Variants in MAP3K13 observed in about 807,000 individuals in gnomAD.
The protein encoded by MAP3K13 is mitogen-activated protein kinase kinase kinase 13, also known as leucine zipper-bearing kinase.
A neutral mutation model predicts 104.0 loss-of-function variants in MAP3K13; 52 were observed. The ratio of observed to expected loss-of-function variants is 0.50; its 90% confidence interval spans 0.40 to 0.63. The LOEUF (loss-of-function observed/expected upper bound fraction) is 0.63. Among genes scored for constraint, MAP3K13 ranks in the 20% least tolerant of loss-of-function variants. MAP3K13 has a pLI of 0.00. For missense variants in MAP3K13, 914 were observed against 1,218.5 expected (o/e 0.75, Z 3.72); for synonymous variants, 394 against 442.2 (o/e 0.89, Z 1.37).
rs199840990 is a variant in MAP3K13 at position 185,455,423 on chromosome 3, GATAT to G, written c.1278+4033_1278+4036del. Among the ~76,000 whole-genome samples, 13 of 40,838 alleles carry G rather than the reference GATAT, an allele frequency of 3.2e-4. 1 individual carries two copies. The highest frequency in any genetic ancestry group is 1.1e-3 in the African/African-American group (12 of 10,730). 26.8% of individuals were successfully genotyped at this position (40,838 alleles called of 152,430 possible). On this transcript the variant is annotated intron_variant, in intron 7 of 13. Transcript: ENST00000265026. ...TGAGATATATATATGAGATATATAT[GATAT>G]ATATGAGATATATATATGAGATATA...
upstream of MAP3K13, among the ~76,000 whole-genome samples, chr3:185,360,218 A>G (rs1398239740): frequency 6.6e-6 from 1 of 152,168 alleles, no homozygotes. Context: ...TTGGCTTGAT[A>G]TCTCTAGAGT....
intron 1 of MAP3K13, among the ~76,000 whole-genome samples, chr3:185,372,014 A>G (rs753106861): frequency 6.6e-6 from 1 of 152,202 alleles, no homozygotes; most frequent in Non-Finnish European, 1.5e-5. Context: ...CAAAGCCATG[A>G]TTGCTTTTTC....
At position 185,473,092 on chromosome 3, in the gene MAP3K13, A is replaced by G. The variant is rs1560132463; in HGVS notation, c.1761A>G (p.Lys587=). 6.2e-7 allele frequency: 1 copy of G among 1,614,080 alleles called. No individual in the cohort carries two copies. Among genetic ancestry groups the G allele is most frequent in the Middle Eastern group, 1.6e-4 (1 of 6,062 alleles). ...GCAGCAAGAGCCGATATCGAAGCAA[A>G]CCACGCCACCGCCGAGGGAATAGCA... ...TSSSKSRYRS[K]PRHRRGNSRG... The change falls in exon 11 of 14, where the codon AAA becomes AAG. Residue 587 remains lysine, a synonymous_variant. Coordinates refer to ENST00000265026, the MANE Select transcript of MAP3K13 (RefSeq NM_004721.5). This position sits in a 1 kb window ranked among gnomAD's most constrained non-coding sequence, Gnocchi z 4.9.
At chr3:185,442,731 A>C (rs1188103204) in intron 3 of MAP3K13, among the ~76,000 whole-genome samples, 2 of 151,996 alleles carry the variant, frequency 1.3e-5, no homozygotes, top group Admixed American at 1.3e-4. Flanking sequence ...ACGCGGTTTC[A>C]CCATGCTGGC....
chr3:185,420,338 C>A (rs552499509), intron 1 of MAP3K13, among the ~76,000 whole-genome samples: 21 of 152,292 alleles, frequency 1.4e-4, no homozygotes, highest in Admixed American at 1.3e-4. Flanking sequence ...CAACTCCATT[C>A]GAAGAAGCTA....
chr3:185,426,595 T>C (rs1373714069), intron 1 of MAP3K13, among the ~76,000 whole-genome samples: 5 of 152,228 alleles, frequency 3.3e-5, no homozygotes, highest in African/African-American at 7.2e-5. Context: ...AAGCTCCTTA[T>C]AGTCTAGTCC....
intron 8 of MAP3K13, 78 bp from the exon 9 acceptor site, chr3:185,465,669 C>A: frequency 1.1e-6 from 1 of 936,738 alleles, no homozygotes. Flanking sequence ...GATCAATCAT[C>A]CTGTTTCTTA....
At chr3:185,376,288 A>G (rs1724427681) in intron 1 of MAP3K13, among the ~76,000 whole-genome samples, 1 of 152,162 alleles carries the variant, frequency 6.6e-6, no homozygotes, top group African/African-American at 2.4e-5. Flanking sequence ...AGCAGAAAGT[A>G]TATGTGTCAG....
At chr3:185,383,428 G>A (rs1711510920) in intron 1 of MAP3K13, among the ~76,000 whole-genome samples, 1 of 151,998 alleles carries the variant, frequency 6.6e-6, no homozygotes, top group Admixed American at 6.6e-5. Context: ...TGGGCGTGGT[G>A]GCGGGCACCT....
intron 6 of MAP3K13, among the ~76,000 whole-genome samples, 189 bp from the exon 7 acceptor site, chr3:185,451,090 AAAAAAAAG>A (rs1488751473): frequency 2.0e-5 from 3 of 152,096 alleles, no homozygotes; most frequent in Non-Finnish European, 4.4e-5. Flanking sequence ...ACTCCGTCTC[AAAAAAAAG>A]AAAAAAAGAA....
chr3:185,480,580 G>A (rs767997129), intron 13 of MAP3K13, 51 bp downstream of exon 13: 24 of 1,573,182 alleles, frequency 1.5e-5, no homozygotes, highest in Non-Finnish European at 1.9e-5. Context: ...TTTGCTCTTT[G>A]GGGTTCAAGT....
intron 1 of MAP3K13, among the ~76,000 whole-genome samples, chr3:185,422,283 G>C (rs1260971639): frequency 6.6e-6 from 1 of 152,190 alleles, no homozygotes; most frequent in African/African-American, 2.4e-5. Flanking sequence ...GCTGGGCTGA[G>C]GAAGGAGGAC....
chr3:185,417,334 T>G (rs1713836180), intron 1 of MAP3K13, among the ~76,000 whole-genome samples: 1 of 152,240 alleles, frequency 6.6e-6, no homozygotes, highest in Admixed American at 6.5e-5. Context: ...CACATGTAAT[T>G]CATCTGGACC....
At chr3:185,292,097 G>C (rs1293193165) in intron 2 of MAP3K13, 20 of 636,796 alleles carry the variant, frequency 3.1e-5, no homozygotes, top group African/African-American at 4.0e-5. Context: ...CCAAGGTCAG[G>C]CATTTGAGAC....
intron 1 of MAP3K13, among the ~76,000 whole-genome samples, chr3:185,376,660 G>GT (rs981073213): frequency 6.6e-5 from 10 of 151,960 alleles, no homozygotes; most frequent in African/African-American, 2.4e-4. Context: ...GTTTGCTTTT[G>GT]TGAGTTTATA....
intron 2 of MAP3K13, among the ~76,000 whole-genome samples, chr3:185,351,614 G>A (rs909081133): frequency 2.0e-5 from 3 of 152,166 alleles, no homozygotes; most frequent in African/African-American, 7.2e-5. Context: ...GTTAAAAAAA[G>A]GAAGACAGAG....
chr3:185,401,078 G>A (rs1712783489), intron 1 of MAP3K13, among the ~76,000 whole-genome samples: 1 of 152,106 alleles, frequency 6.6e-6, no homozygotes, highest in Non-Finnish European at 1.5e-5. Context: ...AAGCTCATGC[G>A]TGCAGGTAGT....
chr3:185,336,523 C>G (rs1055190887), intron 2 of MAP3K13, among the ~76,000 whole-genome samples: 2 of 137,124 alleles, frequency 1.5e-5, no homozygotes, highest in African/African-American at 5.6e-5. Flanking sequence ...GCCTGGGTGA[C>G]AGAGTGAGAC....
At chr3:185,392,772 G>A (rs1712142704) in intron 1 of MAP3K13, among the ~76,000 whole-genome samples, 3 of 152,124 alleles carry the variant, frequency 2.0e-5, no homozygotes, top group Admixed American at 1.3e-4. Context: ...AGGCTGACCG[G>A]GTGTGGTGGC....
Sources: allele counts gnomAD v4.1 joint callset (sites outside exome capture counted in the v4.1 genomes callset), GRCh38; gene constraint gnomAD v4.1.1; non-coding constraint Gnocchi (gnomAD v3.1); transcripts MANE v1.5; gene names NCBI Gene and HGNC (gene_info 2026-07-23, HGNC 2026-07-21).